The following FBXO11 variants were observed in gnomAD, a reference collection of about 807,000 sequenced individuals.
FBXO11 encodes F-box only protein 11.
Under a neutral mutation model 117.0 loss-of-function variants are expected in FBXO11, and 13 were observed. The ratio of observed to expected loss-of-function variants is 0.11; its 90% CI spans 0.07 to 0.18. The LOEUF (loss-of-function observed/expected upper bound fraction) is 0.18. Among genes scored for constraint, FBXO11 ranks in the 10% least tolerant of loss-of-function variants. The pLI is 1.00. For missense variants in FBXO11, 767 were observed against 1,164.4 expected (o/e 0.66, Z 4.97); for synonymous variants, 490 against 380.5 (o/e 1.29, Z -3.35).
At chr2:47,850,414 C>A (rs1241653445) in intron 1 of FBXO11, among the ~76,000 whole-genome samples, 1 of 152,084 alleles carries the variant, frequency 6.6e-6, no homozygotes, top group Admixed American at 6.6e-5. Context: ...AATTTTGTCA[C>A]TCAGAAAATA....
intron 19 of FBXO11, chr2:47,809,946 A>C: frequency 2.0e-6 from 1 of 509,152 alleles, no homozygotes; most frequent in South Asian, 3.0e-5. Flanking sequence ...GTTTAAATAC[A>C]TGATACTTGG....
chr2:47,831,232 C>T (rs1672160713), intron 11 of FBXO11, among the ~76,000 whole-genome samples: 1 of 151,660 alleles, frequency 6.6e-6, no homozygotes, highest in Admixed American at 6.6e-5. Context: ...GCCTGACCAA[C>T]ATGGTGAAAC....
rs1398888171 is a variant in FBXO11, at chr2:47,835,906, T to A, written c.683A>T (p.His228Leu). ...GAAACTCTCTTTCCAGGGATTTGGA[T>A]GTTCATACTCTTCTGGATTAATCTG... ...FYQINPEEYEHPNPWKESFQQ... is the reference protein window; with the variant it reads ...FYQINPEEYELPNPWKESFQQ... Residue 228 changes from histidine to leucine, a missense_variant, in exon 5 of 23, where the codon CAT (histidine) becomes CTT (leucine). This residue lies in a region of FBXO11 where 355 missense variants were observed against 299.8 expected (regional missense o/e 1.18). Transcript: ENST00000403359. The A allele has an allele frequency of 9.9e-6, 16 of 1,611,110 alleles. No individual in the cohort carries two copies. The highest frequency in any genetic ancestry group is 1.2e-5 in the Non-Finnish European group (14 of 1,177,968).
In FBXO11 at chr2:47,905,551, GGCTGCTGCTGCTGCT is replaced by G; in HGVS notation, c.155_169del (p.Gln52_Gln56del). The G allele has an allele frequency of 1.6e-6, 2 of 1,239,712 alleles. No individual in the cohort carries two copies. The highest frequency in any genetic ancestry group is 2.0e-6 in the Non-Finnish European group (2 of 993,762). 76.8% of individuals were successfully genotyped at this position (1,239,712 alleles called of 1,614,324 possible). A position where few individuals can be genotyped will look rare whatever the true frequency, so the allele number is the denominator to read the frequency against. ...CGGAGGCGGCGGTGGCGGCGGCGGA[GGCTGCTGCTGCTGCT>G]GCTGCTGCGGCGGCGGCGGAGGCTG... On this transcript the variant is annotated inframe_deletion, in exon 1 of 23. Coordinates refer to ENST00000403359, the MANE Select transcript of FBXO11 (RefSeq NM_001190274.2).
intron 19 of FBXO11, chr2:47,810,033 C>T: frequency 2.0e-6 from 1 of 492,740 alleles, no homozygotes; most frequent in Non-Finnish European, 3.6e-6. Flanking sequence ...GGAATTGAAT[C>T]TATCTGTATT....
At chr2:47,873,114 G>A (rs564015345) in intron 1 of FBXO11, among the ~76,000 whole-genome samples, 237 of 152,284 alleles carry the variant, frequency 1.6e-3, no homozygotes, top group Admixed American at 3.0e-3. Flanking sequence ...TTTTTAGACA[G>A]GTTTTCCCAG....
chr2:47,836,111 T>G, intron 4 of FBXO11, 110 bp from the exon 5 acceptor site: 1 of 669,614 alleles, frequency 1.5e-6, no homozygotes, highest in South Asian at 2.4e-5. Flanking sequence ...AGTAAGAAAG[T>G]AAGAATAGAC....
intron 16 of FBXO11, among the ~76,000 whole-genome samples, chr2:47,815,922 G>A (rs1020259840): frequency 1.3e-5 from 2 of 152,158 alleles, no homozygotes; most frequent in African/African-American, 4.8e-5. Context: ...AGCCTCGAGG[G>A]CCTTTTGAAG....
At chr2:47,817,461 G>A (rs116503200) in intron 16 of FBXO11, among the ~76,000 whole-genome samples, 1 of 152,140 alleles carries the variant, frequency 6.6e-6, no homozygotes, top group Non-Finnish European at 1.5e-5. Flanking sequence ...TATCATTCAT[G>A]TGTTTACTGG....
At chr2:47,847,442 C>T (rs775380118) in intron 1 of FBXO11, among the ~76,000 whole-genome samples, 25 of 152,136 alleles carry the variant, frequency 1.6e-4, no homozygotes, top group Non-Finnish European at 2.8e-4. Context: ...GGTGTGGTGG[C>T]TCACGCCTGT....
Position 47,832,577 on chromosome 2 carries a change from C to T in FBXO11, c.1255G>A (p.Ala419Thr). ...CACACAAAATTAAAAAATACCTGTG[C>T]ATGATCTGTTATATATAGTCCAACA... ...ENVGLYITDHAQGIYEDNEIS... is the reference protein window; with the variant it reads ...ENVGLYITDHTQGIYEDNEIS... Residue 419 changes from alanine to threonine, a missense_variant, in exon 10 of 23, where the codon GCA becomes ACA. Coordinates refer to ENST00000403359, the MANE Select transcript of FBXO11 (RefSeq NM_001190274.2). 6.2e-7 allele frequency: 1 copy of T among 1,612,096 alleles called. No homozygotes were observed. Among genetic ancestry groups the T allele is most frequent in the Non-Finnish European group, 8.5e-7 (1 of 1,179,298 alleles).
intron 1 of FBXO11, among the ~76,000 whole-genome samples, chr2:47,857,111 C>A (rs1424685312): frequency 1.3e-5 from 2 of 152,208 alleles, no homozygotes; most frequent in African/African-American, 4.8e-5. Flanking sequence ...AGGATCTTTA[C>A]TTTGCACACA....
intron 1 of FBXO11, among the ~76,000 whole-genome samples, chr2:47,859,654 T>TA (rs1674598404): frequency 6.6e-6 from 1 of 152,252 alleles, no homozygotes; most frequent in African/African-American, 2.4e-5. Flanking sequence ...TTTTCACAGT[T>TA]ACGCTTTCAA....
At chr2:47,833,919 C>T (rs1442470918) in intron 7 of FBXO11, among the ~76,000 whole-genome samples, 2 of 152,146 alleles carry the variant, frequency 1.3e-5, no homozygotes, top group Non-Finnish European at 2.9e-5. Flanking sequence ...CCACCCACCT[C>T]AGCCTCCCAA....
intron 1 of FBXO11, among the ~76,000 whole-genome samples, chr2:47,850,829 G>C (rs1433045871): frequency 6.6e-6 from 1 of 152,012 alleles, no homozygotes; most frequent in Non-Finnish European, 1.5e-5. Flanking sequence ...CATTGCTTTT[G>C]GGAAAAGGAG....
Position 47,810,299 on chromosome 2 carries a change from G to A in FBXO11, c.2338+17C>T. On this transcript the variant is annotated intron_variant, in intron 19 of 22. Coordinates refer to ENST00000403359, the MANE Select transcript of FBXO11 (RefSeq NM_001190274.2). ...AGAACTATATATAAGCCACAGGTAA[G>A]AAAAGAAAATACAAACCTGCGGCAA... 6.5e-7 allele frequency: 1 copy of A among 1,529,868 alleles called. No homozygotes were observed. The highest frequency in any genetic ancestry group is 9.0e-7 in the Non-Finnish European group (1 of 1,116,466). 94.8% of individuals were successfully genotyped at this position (1,529,868 alleles called of 1,614,324 possible).
Position 47,841,488 on chromosome 2 carries a change from A to C in FBXO11, c.233-1719T>G, listed in dbSNP as rs79183152. Among the ~76,000 whole-genome samples, 62 of 152,312 alleles carry C rather than the reference A, an allele frequency of 4.1e-4. No homozygotes were observed. In the East Asian group the frequency reaches 0.012, roughly 28 times the overall value. On this transcript the variant is annotated intron_variant, in intron 1 of 22. Coordinates refer to ENST00000403359, the MANE Select transcript of FBXO11 (RefSeq NM_001190274.2). ...ATACCACTACCTATAAAGTCTGGCC[A>C]AAAACATCAAACCTGAATCCGATCA...
chr2:47,886,326 G>A (rs1250914129), intron 1 of FBXO11, among the ~76,000 whole-genome samples: 2 of 151,956 alleles, frequency 1.3e-5, no homozygotes, highest in Admixed American at 6.6e-5. Flanking sequence ...CCAACATGGT[G>A]AAACTCCCGT....
At chr2:47,826,329 T>C (rs540927688) in intron 11 of FBXO11, among the ~76,000 whole-genome samples, 16 of 152,258 alleles carry the variant, frequency 1.1e-4, no homozygotes, top group African/African-American at 1.4e-4. Context: ...AGTGCTGGGA[T>C]TACAGGTGTG....
Sources: gnomAD v4.1 joint callset for allele counts (sites outside exome capture counted in the v4.1 genomes callset) on GRCh38, gnomAD v4.1.1 for gene constraint, gnomAD v4.1.1 regional missense constraint, MANE v1.5 for transcripts, NCBI Gene and HGNC (gene_info 2026-07-23, HGNC 2026-07-21) for gene names.